FAT3: variants seen among roughly 807,000 people sequenced by gnomAD.
FAT3 encodes the protein FAT atypical cadherin 3, also known as protocadherin Fat 3.
Under a neutral mutation model 310.2 loss-of-function variants are expected in FAT3, and 95 were observed. The ratio of observed to expected loss-of-function variants is 0.31; its 90% CI spans 0.26 to 0.36. The LOEUF (loss-of-function observed/expected upper bound fraction) is 0.36, where lower values mean the gene tolerates loss of function less well. Among genes scored for constraint, FAT3 ranks in the 10% least tolerant of loss-of-function variants. The pLI is 1.00. For synonymous variants in FAT3, 2,314 were observed against 2,192.9 expected (o/e 1.06, Z -1.54); for missense variants, 5,408 against 5,715.6 (o/e 0.95, Z 1.74).
At chr11:92,599,467 GT>G (rs1939898850) in intron 3 of FAT3, among the ~76,000 whole-genome samples, 1 of 152,100 alleles carries the variant, frequency 6.6e-6, no homozygotes, top group African/African-American at 2.4e-5. Context: ...GGGAACTACA[GT>G]TCAAGACGAC....
At chr11:92,853,323 G>T (rs907753167) in intron 19 of FAT3, among the ~76,000 whole-genome samples, 1 of 152,230 alleles carries the variant, frequency 6.6e-6, no homozygotes, top group African/African-American at 2.4e-5. Flanking sequence ...TCTGCTGCAG[G>T]CACTTGCATC....
chr11:92,619,154 A>G (rs910304216), intron 3 of FAT3, among the ~76,000 whole-genome samples: 2 of 152,350 alleles, frequency 1.3e-5, no homozygotes, highest in Middle Eastern at 3.4e-3. Flanking sequence ...TGATTTGTAG[A>G]TGTTAAGCCA....
In FAT3 at chr11:92,809,920, G is replaced by C. The variant is rs1292606484; in HGVS notation, c.9325G>C (p.Gly3109Arg). ...CCTGATGGCCAAGGCCACTGACGGG[G>C]GTGGCAGGTTCTGCCAGTCCAACAT... ...YSLMAKATDG[G>R]GRFCQSNIHL... Residue 3109 changes from glycine (G) to arginine (R), a missense_variant, in exon 13 of 28, where the codon GGT becomes CGT. Gly to Arg is a moderately radical substitution (Grantham distance 125). Transcript: ENST00000525166. The C allele has an allele frequency of 3.1e-6, 5 of 1,613,762 alleles. No individual in the cohort carries two copies. In the African/African-American group the frequency reaches 5.3e-5, roughly 17 times the overall value.
At position 92,634,830 on chromosome 11, in the gene FAT3, C is replaced by T. The variant is rs574602079; in HGVS notation, c.3608-62554C>T. ...GTGTGGCTGTATTTGGAGAAGGAGC[C>T]TCTAAGGAAGTAATTAAGGTTTAGT... is the stretch of plus-strand genomic sequence containing the variant. On this transcript the variant is annotated intron_variant, in intron 3 of 27. Coordinates refer to ENST00000525166, the MANE Select transcript of FAT3 (RefSeq NM_001367949.2). Among the ~76,000 whole-genome samples, 3 of 152,302 alleles carry T rather than the reference C, an allele frequency of 2.0e-5. No homozygotes were observed. The East Asian group carries it at 5.8e-4, about 29-fold the overall frequency.
At chr11:92,512,348 G>GCA (rs1266452489) in intron 2 of FAT3, among the ~76,000 whole-genome samples, 1 of 151,530 alleles carries the variant, frequency 6.6e-6, no homozygotes, top group Non-Finnish European at 1.5e-5. Flanking sequence ...GATGAGCTGA[G>GCA]CAGAGGAGGG....
At chr11:92,232,538 C>A (rs1215005038) in intron 1 of FAT3, among the ~76,000 whole-genome samples, 2 of 150,780 alleles carry the variant, frequency 1.3e-5, no homozygotes, top group Non-Finnish European at 2.9e-5. Context: ...TGGCATGTTT[C>A]ACTCATTAAA....
intron 4 of FAT3, among the ~76,000 whole-genome samples, chr11:92,707,823 A>G (rs1282264363): frequency 6.6e-6 from 1 of 152,196 alleles, no homozygotes; most frequent in Non-Finnish European, 1.5e-5. Flanking sequence ...CTAATGTCAG[A>G]TGTGTTTGAC....
chr11:92,782,733 A>G (rs183095841), intron 7 of FAT3, among the ~76,000 whole-genome samples: 3 of 152,212 alleles, frequency 2.0e-5, no homozygotes, highest in Admixed American at 2.0e-4. Flanking sequence ...ACCTTCATGT[A>G]TTGGGGCTGG....
chr11:92,407,747 G>A (rs1490074844), intron 2 of FAT3, among the ~76,000 whole-genome samples: 2 of 152,270 alleles, frequency 1.3e-5, no homozygotes, highest in Non-Finnish European at 2.9e-5. Flanking sequence ...ATTAATTCCA[G>A]TTGTTGCTGA....
intron 3 of FAT3, among the ~76,000 whole-genome samples, chr11:92,637,064 T>C (rs1312906405): frequency 6.6e-6 from 1 of 152,172 alleles, no homozygotes; most frequent in Non-Finnish European, 1.5e-5. Context: ...AGACCTTTAA[T>C]GAACAAATGT....
At chr11:92,427,395 C>T (rs1950658924) in intron 2 of FAT3, among the ~76,000 whole-genome samples, 1 of 152,186 alleles carries the variant, frequency 6.6e-6, no homozygotes, top group Non-Finnish European at 1.5e-5. Context: ...GCCAGAACTT[C>T]CAATACTATG....
chr11:92,260,123 T>C (rs181010500), intron 1 of FAT3, among the ~76,000 whole-genome samples: 4 of 152,302 alleles, frequency 2.6e-5, no homozygotes, highest in East Asian at 1.9e-4. Flanking sequence ...ACCCGGTTTC[T>C]TGGGCAGATG....
intron 1 of FAT3, among the ~76,000 whole-genome samples, chr11:92,262,156 A>G (rs569244800): frequency 9.9e-5 from 15 of 152,240 alleles, no homozygotes; most frequent in African/African-American, 3.4e-4. Flanking sequence ...CCTCCTAAGA[A>G]GTGACATTTC....
chr11:92,437,077 A>AT (rs968308563), intron 2 of FAT3, among the ~76,000 whole-genome samples: 3 of 152,058 alleles, frequency 2.0e-5, no homozygotes, highest in Non-Finnish European at 4.4e-5. Context: ...ATGTGTTGTG[A>AT]TTTTTTATTT....
chr11:92,606,032 G>A (rs532464333), intron 3 of FAT3, among the ~76,000 whole-genome samples: 1 of 152,258 alleles, frequency 6.6e-6, no homozygotes, highest in East Asian at 1.9e-4. Context: ...AGCTGGGCAA[G>A]TTAGGGTATT....
chr11:92,747,394 T>C (rs1945702088), intron 4 of FAT3, among the ~76,000 whole-genome samples: 1 of 152,222 alleles, frequency 6.6e-6, no homozygotes, highest in Non-Finnish European at 1.5e-5. Flanking sequence ...CAGGGCACCA[T>C]GTCCTGAGGC....
intron 3 of FAT3, among the ~76,000 whole-genome samples, chr11:92,525,654 TC>T: frequency 6.7e-6 from 1 of 149,820 alleles, no homozygotes; most frequent in Admixed American, 6.8e-5. Flanking sequence ...GTGATTTGCC[TC>T]TTTTAGGTCT....
At position 92,857,225 on chromosome 11, in the gene FAT3, C is replaced by G. The variant is rs1591820653; in HGVS notation, c.11377C>G (p.Pro3793Ala). 2 of 1,613,930 alleles carry G rather than the reference C, an allele frequency of 1.2e-6. No individual in the cohort carries two copies. Among genetic ancestry groups the G allele is most frequent in the Non-Finnish European group, 1.7e-6 (2 of 1,179,866 alleles). ...VRCTCNGGLC[P>A]GSNDPCVEKP... is the part of the protein sequence containing the mutation. ...CACCTTTGTCACAGGAGGACTGTGTCCGGGGTCCAACGATCCTTGTGTGGA... is the reference window on the plus strand; with the variant it reads ...CACCTTTGTCACAGGAGGACTGTGTGCGGGGTCCAACGATCCTTGTGTGGA... Residue 3793 changes from proline to alanine, a missense_variant, in exon 20 of 28, where the codon CCG becomes GCG. Physicochemically the swap from Pro to Ala is conservative, Grantham distance 27. Around this residue, in one of 5 missense-constraint regions of FAT3, gnomAD observed 4,588 missense variants for 4,809.8 expected, o/e 0.95. Coordinates refer to ENST00000525166, the MANE Select transcript of FAT3 (RefSeq NM_001367949.2).
At chr11:92,380,072 CGT>C (rs34789717) in intron 2 of FAT3, among the ~76,000 whole-genome samples, 7,699 of 145,184 alleles carry the variant, frequency 0.053, 265 homozygotes, top group African/African-American at 0.095. Context: ...CAAACTGATT[CGT>C]GTGTGTGTGT....
Sources: gnomAD v4.1 joint callset for allele counts (sites outside exome capture counted in the v4.1 genomes callset) on GRCh38, gnomAD v4.1.1 for gene constraint, gnomAD v4.1.1 regional missense constraint, MANE v1.5 for transcripts, NCBI Gene and HGNC (gene_info 2026-07-23, HGNC 2026-07-21) for gene names.